The following NUDCD3 variants were observed in gnomAD, a reference collection of about 807,000 sequenced individuals.
The protein encoded by NUDCD3 is nudC domain-containing protein 3.
A neutral mutation model predicts 39.7 loss-of-function variants in NUDCD3; 13 were observed. The observed-to-expected ratio is 0.33, with a 90% CI of 0.21 to 0.52. NUDCD3 has a LOEUF of 0.52. Ranked by LOEUF, NUDCD3 falls within the 20% of genes least tolerant of loss-of-function variation. The pLI is 0.96. For missense variants in NUDCD3, 453 were observed against 458.1 expected (o/e 0.99, Z 0.10); for synonymous variants, 175 against 172.4 (o/e 1.02, Z -0.12).
At chr7:44,410,882 C>T (rs1361765849) in intron 3 of NUDCD3, among the ~76,000 whole-genome samples, 1 of 151,892 alleles carries the variant, frequency 6.6e-6, no homozygotes, top group Non-Finnish European at 1.5e-5. Flanking sequence ...CAGGAAATCG[C>T]TTGAACCCAG....
chr7:44,469,841 A>T (rs1477343914), intron 2 of NUDCD3, among the ~76,000 whole-genome samples: 1 of 152,120 alleles, frequency 6.6e-6, no homozygotes, highest in Non-Finnish European at 1.5e-5. Flanking sequence ...AAAAAATGGC[A>T]ATGAAGGAAA....
intron 2 of NUDCD3, among the ~76,000 whole-genome samples, chr7:44,445,283 T>G (rs1799670828): frequency 1.3e-5 from 2 of 152,352 alleles, no homozygotes; most frequent in South Asian, 4.1e-4. Flanking sequence ...CTGACAAATC[T>G]GAGCAAACAC....
chr7:44,467,976 A>G (rs533465480), intron 2 of NUDCD3: 65 of 1,611,836 alleles, frequency 4.0e-5, no homozygotes, highest in Admixed American at 1.7e-4. Context: ...CAGTCAGACC[A>G]ATATGTCAAA....
At chr7:44,483,309 G>A (rs1282433785) in intron 2 of NUDCD3, among the ~76,000 whole-genome samples, 1 of 151,908 alleles carries the variant, frequency 6.6e-6, no homozygotes, top group Non-Finnish European at 1.5e-5. Flanking sequence ...TCTTTAAAAT[G>A]TTTGAAGAAA....
intron 2 of NUDCD3, among the ~76,000 whole-genome samples, chr7:44,442,782 G>A (rs1431657277): frequency 7.0e-6 from 1 of 143,094 alleles, no homozygotes; most frequent in Admixed American, 7.4e-5. Context: ...TGCAAGCTCC[G>A]CCTCCCGGGT....
At chr7:44,418,361 G>T (rs189149128) in intron 3 of NUDCD3, among the ~76,000 whole-genome samples, 300 of 152,310 alleles carry the variant, frequency 2.0e-3, no homozygotes, top group African/African-American at 7.0e-3. Flanking sequence ...TAAGAAGCCA[G>T]CACCACTTGT....
intron 2 of NUDCD3, among the ~76,000 whole-genome samples, chr7:44,458,027 T>C (rs997454763): frequency 2.0e-5 from 3 of 152,232 alleles, no homozygotes; most frequent in Non-Finnish European, 4.4e-5. Flanking sequence ...AAAGCTTGTA[T>C]ACAAATGTTC....
chr7:44,386,809 G>A (rs1703693791), intron 5 of NUDCD3, among the ~76,000 whole-genome samples: 1 of 152,164 alleles, frequency 6.6e-6, no homozygotes, highest in Non-Finnish European at 1.5e-5. Context: ...TCAGAAGCAA[G>A]GCTCAGTGTG....
intron 2 of NUDCD3, among the ~76,000 whole-genome samples, chr7:44,461,010 C>A (rs1799998747): frequency 2.6e-5 from 4 of 152,218 alleles, no homozygotes; most frequent in Admixed American, 1.3e-4. Context: ...TAGTCCTAGA[C>A]AACAGGCCTA....
chr7:44,470,395 T>C (rs998966877), intron 2 of NUDCD3, among the ~76,000 whole-genome samples: 1 of 152,194 alleles, frequency 6.6e-6, no homozygotes, highest in Non-Finnish European at 1.5e-5. Context: ...TCATTTGAGA[T>C]GACTTATTCC....
At chr7:44,418,113 A>T (rs532119449) in intron 3 of NUDCD3, among the ~76,000 whole-genome samples, 15 of 152,266 alleles carry the variant, frequency 9.9e-5, no homozygotes, top group Admixed American at 5.2e-4. Flanking sequence ...AATGAAGGAG[A>T]GACTGCAGAG....
chr7:44,465,401 C>A (rs368235020), intron 2 of NUDCD3, among the ~76,000 whole-genome samples: 2 of 152,266 alleles, frequency 1.3e-5, no homozygotes, highest in African/African-American at 4.8e-5. Context: ...ACAGCAGACA[C>A]CCACTGAGAC....
intron 2 of NUDCD3, among the ~76,000 whole-genome samples, chr7:44,464,001 GT>G: frequency 6.6e-6 from 1 of 152,104 alleles, no homozygotes; most frequent in African/African-American, 2.4e-5. Context: ...ATCATCTGAG[GT>G]TAGGAGTTCG....
intron 2 of NUDCD3, among the ~76,000 whole-genome samples, chr7:44,445,065 C>T (rs1156817846): frequency 1.3e-5 from 2 of 152,234 alleles, no homozygotes; most frequent in African/African-American, 4.8e-5. Flanking sequence ...TCTCCCTCTG[C>T]TCCACCTCCA....
At chr7:44,427,836 T>G in intron 2 of NUDCD3, 133 bp from the exon 3 acceptor site, 2 of 853,816 alleles carry the variant, frequency 2.3e-6, no homozygotes, top group Non-Finnish European at 3.5e-6. Flanking sequence ...TCACTGGCTC[T>G]GGCATCTGCA....
chr7:44,471,194 CCCTGATAT>C (rs1436414478), intron 2 of NUDCD3, among the ~76,000 whole-genome samples: 2 of 152,214 alleles, frequency 1.3e-5, no homozygotes, highest in African/African-American at 4.8e-5. Flanking sequence ...ATGCTCAAGT[CCCTGATAT>C]CCTGATATCA....
Position 44,490,512 on chromosome 7 carries a change from A to T in NUDCD3, c.89T>A (p.Leu30His), listed in dbSNP as rs751027167. 1 of 1,611,670 alleles carries T rather than the reference A, an allele frequency of 6.2e-7. No individual in the cohort carries two copies. The highest frequency in any genetic ancestry group is 8.5e-7 in the Non-Finnish European group (1 of 1,179,076). Residue 30 changes from leucine (L) to histidine (H), a missense_variant, in exon 1 of 6, where the codon CTC (leucine) becomes CAC (histidine). Physicochemically the swap from Leu to His is moderately conservative, Grantham distance 99. Coordinates refer to ENST00000355451, the MANE Select transcript of NUDCD3 (RefSeq NM_015332.4). ...VGNVQDFLRV[L>H]FGFLYRKTDF... The stretch of plus-strand genomic sequence containing the variant: ...TGTCTTGCGGTAGAGGAAGCCAAAG[A>T]GAACGCGCAGGAAATCCTGGACGTT...
At chr7:44,470,992 T>C (rs892943613) in intron 2 of NUDCD3, among the ~76,000 whole-genome samples, 3 of 152,360 alleles carry the variant, frequency 2.0e-5, no homozygotes, top group South Asian at 4.1e-4. Context: ...CAATGTGACT[T>C]TTAACTTCAA....
intron 3 of NUDCD3, among the ~76,000 whole-genome samples, chr7:44,419,687 C>G (rs1389954781): frequency 2.0e-5 from 3 of 152,196 alleles, no homozygotes; most frequent in Non-Finnish European, 4.4e-5. Context: ...GCAGCCTCCA[C>G]TGGTGATACC....
Sources: gnomAD v4.1 joint callset for allele counts (sites outside exome capture counted in the v4.1 genomes callset) on GRCh38, gnomAD v4.1.1 for gene constraint, MANE v1.5 for transcripts, NCBI Gene and HGNC (gene_info 2026-07-23, HGNC 2026-07-21) for gene names.